Variants in SPAG16 observed in about 807,000 individuals in gnomAD.
The protein encoded by SPAG16 is sperm-associated antigen 16 protein.
In SPAG16, 86 loss-of-function variants were observed where a neutral mutation model predicts 80.4. That is an observed-to-expected ratio of 1.07 (90% CI 0.90 to 1.28). The LOEUF (loss-of-function observed/expected upper bound fraction) is 1.28, where lower values mean the gene tolerates loss of function less well. Among genes scored for constraint, SPAG16 ranks in the 50% most tolerant of loss-of-function variants. SPAG16 has a pLI of 0.00. For synonymous variants in SPAG16, 294 were observed against 265.9 expected, an observed-to-expected ratio of 1.11 and a Z score of -1.03; for missense variants, 870 against 765.3, an observed-to-expected ratio of 1.14 and a Z score of -1.61.
chr2:213,696,819 A>G (rs2065173146), intron 10 of SPAG16, among the ~76,000 whole-genome samples: 2 of 152,178 alleles, frequency 1.3e-5, no homozygotes, highest in African/African-American at 4.8e-5. Context: ...ACAACAGGAG[A>G]CAGAGACAAC....
chr2:214,343,984 T>C (rs1697892121), intron 15 of SPAG16, among the ~76,000 whole-genome samples: 1 of 152,148 alleles, frequency 6.6e-6, no homozygotes, highest in Non-Finnish European at 1.5e-5. Flanking sequence ...GAAGAACAAA[T>C]AGGTTTTTTG....
intron 15 of SPAG16, among the ~76,000 whole-genome samples, chr2:214,337,184 C>T (rs1028338127): frequency 1.3e-5 from 2 of 151,756 alleles, no homozygotes; most frequent in East Asian, 2.0e-4. Flanking sequence ...TTTTCTCTTT[C>T]GTAGTAAAGT....
intron 11 of SPAG16, among the ~76,000 whole-genome samples, chr2:213,899,055 C>A (rs2077108977): frequency 6.6e-6 from 1 of 151,846 alleles, no homozygotes; most frequent in African/African-American, 2.4e-5. Context: ...ATTTTCTTAC[C>A]AAGACTTGAA....
chr2:214,099,726 A>G (rs1462140622), intron 13 of SPAG16, among the ~76,000 whole-genome samples: 1 of 152,050 alleles, frequency 6.6e-6, no homozygotes, highest in African/African-American at 2.4e-5. Context: ...GTTTTGTAAT[A>G]TTTGACTTTA....
chr2:213,447,330 C>G (rs866382173), intron 9 of SPAG16, among the ~76,000 whole-genome samples: 11 of 152,246 alleles, frequency 7.2e-5, no homozygotes, highest in African/African-American at 2.4e-4. Context: ...ATTCTGAGCC[C>G]AGAACACCCA....
chr2:213,951,006 C>G (rs1411091771), intron 12 of SPAG16, among the ~76,000 whole-genome samples: 2 of 140,518 alleles, frequency 1.4e-5, no homozygotes, highest in East Asian at 4.1e-4. Flanking sequence ...GCCACCACGC[C>G]TAGCCTGACA....
intron 12 of SPAG16, among the ~76,000 whole-genome samples, chr2:213,995,089 T>G (rs777452821): frequency 2.6e-4 from 39 of 152,250 alleles, no homozygotes; most frequent in Admixed American, 9.2e-4. Context: ...TTGAGAAGAC[T>G]TCTCATGCGT....
At chr2:213,381,544 G>A (rs11692490) in intron 9 of SPAG16, among the ~76,000 whole-genome samples, 33,134 of 152,084 alleles carry the variant, frequency 0.22, 4,443 homozygotes, top group Non-Finnish European at 0.31. Flanking sequence ...GATTCCATAC[G>A]TAGTCTTCAT....
chr2:214,139,191 T>G (rs1409840765), intron 14 of SPAG16, among the ~76,000 whole-genome samples: 1 of 152,184 alleles, frequency 6.6e-6, no homozygotes, highest in Non-Finnish European at 1.5e-5. Context: ...TTTTCAAAGT[T>G]TATTGCCAGT....
intron 5 of SPAG16, among the ~76,000 whole-genome samples, chr2:213,331,573 C>T (rs2064109860): frequency 6.6e-6 from 1 of 152,136 alleles, no homozygotes; most frequent in Non-Finnish European, 1.5e-5. Flanking sequence ...TTAATCTGCA[C>T]CATAGAACAA....
At chr2:214,115,161 G>T (rs747198106) in intron 14 of SPAG16, among the ~76,000 whole-genome samples, 28 of 152,170 alleles carry the variant, frequency 1.8e-4, no homozygotes, top group Non-Finnish European at 2.4e-4. Flanking sequence ...TATATTAATT[G>T]TTTTAACAAT....
intron 15 of SPAG16, among the ~76,000 whole-genome samples, chr2:214,324,672 GA>G (rs894466131): frequency 4.6e-5 from 7 of 151,552 alleles, no homozygotes; most frequent in Non-Finnish European, 8.8e-5. Flanking sequence ...AGCATAAAGG[GA>G]AAAAAAATAG....
At chr2:213,608,093 TTC>T (rs1320451439) in intron 10 of SPAG16, among the ~76,000 whole-genome samples, 7 of 152,196 alleles carry the variant, frequency 4.6e-5, no homozygotes, top group Non-Finnish European at 1.0e-4. Flanking sequence ...GTTTTGTTTT[TTC>T]TGAGTGTGTG....
chr2:213,976,135 T>TATATATATATATATATACAC lies in SPAG16; in HGVS notation c.1401-37815_1401-37814insTATATATATATATATACACA, dbSNP rs749957411. On this transcript the variant is annotated intron_variant, in intron 12 of 15. Coordinates refer to ENST00000331683, the MANE Select transcript of SPAG16 (RefSeq NM_024532.5). ...ATATATATATATATATATATATATATACACACACACACACACACACGTATG... is the reference window on the plus strand; with the variant it reads ...ATATATATATATATATATATATATATATATATATATATATATACACACACACACACACACACACACGTATG... Among the ~76,000 whole-genome samples the TATATATATATATATATACAC allele has an allele frequency of 6.3e-4, 51 of 81,388 alleles. 1 individual carries two copies. The highest frequency in any genetic ancestry group is 1.8e-3 in the Admixed American group (13 of 7,048). 53.4% of individuals were successfully genotyped at this position (81,388 alleles called of 152,430 possible). A position where few individuals can be genotyped will look rare whatever the true frequency, so the allele number is the denominator to read the frequency against.
At chr2:213,957,965 G>A (rs1382392105) in intron 12 of SPAG16, among the ~76,000 whole-genome samples, 1 of 152,164 alleles carries the variant, frequency 6.6e-6, no homozygotes, top group Non-Finnish European at 1.5e-5. Flanking sequence ...TGCCAGTAAG[G>A]AAAGACACAG....
chr2:213,648,696 A>T (rs2062915458), intron 10 of SPAG16, among the ~76,000 whole-genome samples: 1 of 152,086 alleles, frequency 6.6e-6, no homozygotes, highest in Non-Finnish European at 1.5e-5. Flanking sequence ...AACAAAGGAG[A>T]CTTGGCTAAA....
At chr2:214,361,751 T>C (rs1435886712) in intron 15 of SPAG16, among the ~76,000 whole-genome samples, 1 of 151,884 alleles carries the variant, frequency 6.6e-6, no homozygotes, top group Non-Finnish European at 1.5e-5. Flanking sequence ...TATGTCTTTT[T>C]AAAACCCAAC....
chr2:214,012,967 C>T lies in SPAG16; in HGVS notation c.1401-984C>T, dbSNP rs532655188. On this transcript the variant is annotated intron_variant, in intron 12 of 15. Transcript: ENST00000331683. Reference sequence around the variant, plus strand: ...TTCTGATTCAATAGGTTTGGGATGACGCCTGAGAATTTGCATTTCAGACAC... The same window carrying T: ...TTCTGATTCAATAGGTTTGGGATGATGCCTGAGAATTTGCATTTCAGACAC... Among the ~76,000 whole-genome samples, 4 of 152,230 alleles carry T rather than the reference C, an allele frequency of 2.6e-5. No homozygotes were observed. In the East Asian group the frequency reaches 5.8e-4, roughly 22 times the overall value.
chr2:214,378,892 A>G (rs1379531992), intron 15 of SPAG16, among the ~76,000 whole-genome samples: 2 of 152,228 alleles, frequency 1.3e-5, no homozygotes, highest in Non-Finnish European at 2.9e-5. Flanking sequence ...GGACAGTTGT[A>G]TAATGGAAGG....
Sources: gnomAD v4.1 joint callset for allele counts (sites outside exome capture counted in the v4.1 genomes callset) on GRCh38, gnomAD v4.1.1 for gene constraint, MANE v1.5 for transcripts, NCBI Gene and HGNC (gene_info 2026-07-23, HGNC 2026-07-21) for gene names.